RBFOX1: variants seen among roughly 807,000 people sequenced by gnomAD.
RBFOX1 encodes RNA binding fox-1 homolog 1.
Under a neutral mutation model 57.7 loss-of-function variants are expected in RBFOX1, and 8 were observed. That is an observed-to-expected ratio of 0.14 (90% CI 0.08 to 0.25). The LOEUF (loss-of-function observed/expected upper bound fraction) is 0.25. Among genes scored for constraint, RBFOX1 ranks in the 10% least tolerant of loss-of-function variants. The pLI, the probability that RBFOX1 is intolerant of heterozygous loss-of-function variation, is 1.00. For missense variants in RBFOX1, 611 were observed against 548.5 expected, an observed-to-expected ratio of 1.11 and a Z score of -1.14; for synonymous variants, 326 against 222.4, an observed-to-expected ratio of 1.47 and a Z score of -4.15.
At chr16:7,037,054 G>A (rs535393150) in intron 3 of RBFOX1, among the ~76,000 whole-genome samples, 1 of 152,032 alleles carries the variant, frequency 6.6e-6, no homozygotes, top group Admixed American at 6.6e-5. Context: ...ACAACCAGAG[G>A]TCACCTTCGT....
intron 4 of RBFOX1, among the ~76,000 whole-genome samples, chr16:7,055,878 C>G (rs929267506): frequency 2.0e-5 from 3 of 152,120 alleles, no homozygotes; most frequent in South Asian, 2.1e-4. Context: ...TCATTACTCT[C>G]TTTCATCCTA....
At chr16:6,099,136 GCTTT>G (rs777915282) in intron 1 of RBFOX1, among the ~76,000 whole-genome samples, 2 of 152,126 alleles carry the variant, frequency 1.3e-5, no homozygotes, top group African/African-American at 2.4e-5. Context: ...AACCCGATTT[GCTTT>G]CTTTATTAGG....
intron 3 of RBFOX1, among the ~76,000 whole-genome samples, chr16:6,892,712 T>A (rs1596367222): frequency 6.6e-6 from 1 of 150,422 alleles, no homozygotes; most frequent in Non-Finnish European, 1.5e-5. Context: ...ACAGTGCTAT[T>A]TGTAGGGGTT....
chr16:6,722,515 C>A (rs2066224047), intron 3 of RBFOX1, among the ~76,000 whole-genome samples: 1 of 43,506 alleles, frequency 2.3e-5, no homozygotes, highest in African/African-American at 4.8e-5. Context: ...TAGATAAATA[C>A]TTGGCATTTT....
chr16:6,487,673 TAA>T (rs777856402), intron 2 of RBFOX1, among the ~76,000 whole-genome samples: 30 of 38,736 alleles, frequency 7.7e-4, no homozygotes, highest in African/African-American at 1.7e-3. Flanking sequence ...GTGATATATG[TAA>T]AAAAAAAAAA....
At chr16:7,419,433 C>G (rs1443874994) in intron 4 of RBFOX1, among the ~76,000 whole-genome samples, 1 of 152,246 alleles carries the variant, frequency 6.6e-6, no homozygotes, top group African/African-American at 2.4e-5. Flanking sequence ...CATCCCACTC[C>G]CGCCTTGGCG....
chr16:7,167,866 C>CA (rs35606978), intron 4 of RBFOX1, among the ~76,000 whole-genome samples: 142,483 of 152,244 alleles, frequency 0.94, 66,772 homozygotes, highest in East Asian at 1. Context: ...TGGCCCTCTG[C>CA]GAAAAAAGTG....
chr16:6,925,452 C>G (rs1372261543), intron 3 of RBFOX1, among the ~76,000 whole-genome samples: 7 of 108,592 alleles, frequency 6.4e-5, no homozygotes, highest in East Asian at 2.9e-4. Flanking sequence ...CTAATGGACT[C>G]CACATTTATT....
At chr16:5,351,717 T>G (rs564804268) in intron 1 of RBFOX1, among the ~76,000 whole-genome samples, 2 of 152,192 alleles carry the variant, frequency 1.3e-5, no homozygotes, top group South Asian at 4.1e-4. Flanking sequence ...ACCCTTGATA[T>G]CGCTTAGCCC....
chr16:6,056,965 T>G (rs919021172), intron 1 of RBFOX1: 3 of 152,070 alleles, frequency 2.0e-5, no homozygotes, highest in Non-Finnish European at 4.4e-5. Context: ...TTATGATACC[T>G]TTCCTCTAGA....
At chr16:5,926,573 G>C (rs1367305598) in intron 4 of RBFOX1, among the ~76,000 whole-genome samples, 1 of 152,108 alleles carries the variant, frequency 6.6e-6, no homozygotes, top group East Asian at 1.9e-4. Context: ...CTACACCTCA[G>C]ACTCGTAACT....
At chr16:5,546,105 A>T (rs1304815781) in intron 2 of RBFOX1, among the ~76,000 whole-genome samples, 1 of 152,174 alleles carries the variant, frequency 6.6e-6, no homozygotes, top group Non-Finnish European at 1.5e-5. Context: ...ATACATAGGG[A>T]TAAGTCTGAC....
intron 3 of RBFOX1, 21 bp from the exon 4 acceptor site, chr16:7,052,034 CCT>C: frequency 6.4e-7 from 1 of 1,564,216 alleles, no homozygotes; most frequent in South Asian, 1.1e-5. Flanking sequence ...TGACTTTTCC[CCT>C]TCATTTTCTT....
chr16:6,388,807 C>T (rs536582123), intron 2 of RBFOX1, among the ~76,000 whole-genome samples: 38 of 152,272 alleles, frequency 2.5e-4, no homozygotes, highest in African/African-American at 7.2e-4. Context: ...GGAGGACATT[C>T]GGCTAAATAA....
chr16:6,910,386 A>C (rs113621167), intron 3 of RBFOX1, among the ~76,000 whole-genome samples: 107 of 152,260 alleles, frequency 7.0e-4, no homozygotes, highest in African/African-American at 2.4e-3. Flanking sequence ...CACACACACA[A>C]AGAGGAGAGC....
At chr16:6,510,002 G>A (rs554267489) in intron 2 of RBFOX1, among the ~76,000 whole-genome samples, 6 of 152,196 alleles carry the variant, frequency 3.9e-5, no homozygotes, top group South Asian at 4.2e-4. Flanking sequence ...GGCCACATGC[G>A]ATTCAGGGCA....
intron 1 of RBFOX1, among the ~76,000 whole-genome samples, chr16:6,075,062 C>G (rs758384988): frequency 6.6e-6 from 1 of 152,208 alleles, no homozygotes; most frequent in African/African-American, 2.4e-5. Flanking sequence ...GGTTCTTTCA[C>G]TAGAGAAGCT....
At chr16:5,928,846 C>G (rs932631433) in intron 4 of RBFOX1, among the ~76,000 whole-genome samples, 1 of 151,884 alleles carries the variant, frequency 6.6e-6, no homozygotes, top group African/African-American at 2.4e-5. Flanking sequence ...GTTTTTCCTA[C>G]TTTTCAATTA....
intron 4 of RBFOX1, among the ~76,000 whole-genome samples, chr16:7,210,401 T>C (rs1473464298): frequency 6.6e-6 from 1 of 152,146 alleles, no homozygotes; most frequent in African/African-American, 2.4e-5. Flanking sequence ...TTCCTCACAG[T>C]TTTGCTCTTA....
Sources: allele counts gnomAD v4.1 joint callset (sites outside exome capture counted in the v4.1 genomes callset), GRCh38; gene constraint gnomAD v4.1.1; transcripts MANE v1.5; gene names NCBI Gene and HGNC (gene_info 2026-07-23, HGNC 2026-07-21).